The following B3GALT1 variants were observed in gnomAD, a reference collection of about 807,000 sequenced individuals.
B3GALT1 encodes the protein UDP-Gal:betaGlcNAc beta 1,3-galactosyltransferase, polypeptide 1.
Under a neutral mutation model 23.2 loss-of-function variants are expected in B3GALT1, and 10 were observed. The observed-to-expected ratio is 0.43, with a 90% CI of 0.27 to 0.73. B3GALT1 has a LOEUF of 0.73. Ranked by LOEUF, B3GALT1 falls within the 30% of genes least tolerant of loss-of-function variation. The pLI is 0.21. For synonymous variants in B3GALT1, 156 were observed against 141.5 expected (o/e 1.10, Z -0.73); for missense variants, 299 against 405.4 (o/e 0.74, Z 2.25).
intron 1 of B3GALT1, among the ~76,000 whole-genome samples, chr2:167,435,871 G>A (rs751921426): frequency 1.3e-5 from 2 of 151,676 alleles, no homozygotes; most frequent in Non-Finnish European, 2.9e-5. Flanking sequence ...AGAACATTTA[G>A]TCCCTATTTG....
At chr2:167,633,440 C>T (rs1685491293) in intron 2 of B3GALT1, among the ~76,000 whole-genome samples, 1 of 149,588 alleles carries the variant, frequency 6.7e-6, no homozygotes, top group Non-Finnish European at 1.5e-5. Flanking sequence ...CAAAGATACA[C>T]AAAGGCTAAA....
intron 2 of B3GALT1, among the ~76,000 whole-genome samples, chr2:167,602,060 A>T (rs974407416): frequency 6.6e-6 from 1 of 152,190 alleles, no homozygotes; most frequent in Non-Finnish European, 1.5e-5. Flanking sequence ...AGATTTCAGG[A>T]CCCATAGGTG....
intron 2 of B3GALT1, among the ~76,000 whole-genome samples, chr2:167,492,966 T>C (rs993394708): frequency 6.6e-6 from 1 of 152,058 alleles, no homozygotes; most frequent in Admixed American, 6.6e-5. Context: ...TAATACACCA[T>C]TGAAATAAAA....
intron 2 of B3GALT1, among the ~76,000 whole-genome samples, chr2:167,598,020 C>G (rs192982983): frequency 9.9e-5 from 15 of 152,158 alleles, no homozygotes; most frequent in Middle Eastern, 3.4e-3. Flanking sequence ...CATGTACTTA[C>G]CAATCTGAGG....
At chr2:167,721,263 T>C (rs1265610004) in intron 3 of B3GALT1, among the ~76,000 whole-genome samples, 3 of 152,190 alleles carry the variant, frequency 2.0e-5, no homozygotes, top group Non-Finnish European at 4.4e-5. Context: ...GAGCTTCTAT[T>C]TGGACAACAT....
At chr2:167,498,534 C>G (rs186407845) in intron 2 of B3GALT1, among the ~76,000 whole-genome samples, 2 of 152,146 alleles carry the variant, frequency 1.3e-5, no homozygotes, top group Admixed American at 1.3e-4. Context: ...AAATATCTTT[C>G]TATGTTATGT....
chr2:167,728,918 A>T (rs1190502812), intron 3 of B3GALT1, among the ~76,000 whole-genome samples: 1 of 152,212 alleles, frequency 6.6e-6, no homozygotes, highest in East Asian at 1.9e-4. Flanking sequence ...GATACCCTGG[A>T]TTAATACACA....
At chr2:167,454,221 GCGTGCACGTGTGTGCATGTATGTGTGCA>G (rs1574086114) in intron 1 of B3GALT1, among the ~76,000 whole-genome samples, 1 of 139,578 alleles carries the variant, frequency 7.2e-6, no homozygotes, top group South Asian at 2.1e-4. Flanking sequence ...GCGCACGCGC[GCGTGCACGTGTGTGCATGTATGTGTGCA>G]CGTGCACGTA....
intron 1 of B3GALT1, among the ~76,000 whole-genome samples, chr2:167,334,242 C>G (rs1697020277): frequency 6.6e-6 from 1 of 152,200 alleles, no homozygotes; most frequent in Admixed American, 6.5e-5. Flanking sequence ...GACCATTTGG[C>G]AACTGACTGC....
At chr2:167,738,489 A>G (rs977765965) in intron 3 of B3GALT1, among the ~76,000 whole-genome samples, 1 of 152,196 alleles carries the variant, frequency 6.6e-6, no homozygotes, top group Non-Finnish European at 1.5e-5. Context: ...TTTAGTTTTT[A>G]TCAAATGATA....
At chr2:167,549,636 T>C (rs1574131406) in intron 2 of B3GALT1, among the ~76,000 whole-genome samples, 1 of 152,318 alleles carries the variant, frequency 6.6e-6, no homozygotes, top group East Asian at 1.9e-4. Flanking sequence ...GAGACATCAC[T>C]GGGTAGGCAT....
intron 2 of B3GALT1, among the ~76,000 whole-genome samples, chr2:167,514,448 C>T: frequency 6.6e-6 from 1 of 152,030 alleles, no homozygotes; most frequent in East Asian, 1.9e-4. Context: ...GAAGAATATC[C>T]CTTCTCTGTC....
chr2:167,634,513 G>A (rs562323287), intron 2 of B3GALT1, among the ~76,000 whole-genome samples: 5 of 152,082 alleles, frequency 3.3e-5, no homozygotes, highest in African/African-American at 1.2e-4. Context: ...AATGATAAAA[G>A]GGATATCACA....
chr2:167,761,237 A>G (rs1434676662), intron 3 of B3GALT1, among the ~76,000 whole-genome samples: 2 of 152,202 alleles, frequency 1.3e-5, no homozygotes, highest in South Asian at 2.1e-4. Flanking sequence ...GCAGCTGAAG[A>G]TATATTTTCA....
At chr2:167,491,310 A>G in intron 2 of B3GALT1, among the ~76,000 whole-genome samples, 1 of 152,134 alleles carries the variant, frequency 6.6e-6, no homozygotes, top group Non-Finnish European at 1.5e-5. Context: ...ACCTTATTCC[A>G]ATATCATCAC....
intron 2 of B3GALT1, among the ~76,000 whole-genome samples, chr2:167,568,220 T>C (rs897108270): frequency 2.0e-5 from 3 of 152,096 alleles, no homozygotes; most frequent in Non-Finnish European, 4.4e-5. Flanking sequence ...TTCAACTTTT[T>C]TGAGTAATTA....
At chr2:167,772,975 T>A (rs1444289971) in intron 3 of B3GALT1, among the ~76,000 whole-genome samples, 1 of 152,206 alleles carries the variant, frequency 6.6e-6, no homozygotes, top group Non-Finnish European at 1.5e-5. Context: ...CATCAAAAAT[T>A]TCTATGGGCT....
chr2:167,617,988 C>T (rs1186590762), intron 2 of B3GALT1, among the ~76,000 whole-genome samples: 4 of 152,026 alleles, frequency 2.6e-5, no homozygotes, highest in Non-Finnish European at 4.4e-5. Flanking sequence ...TTTACCACAT[C>T]CTGGCTTTCT....
At chr2:167,655,443 A>G (rs1050560784) in intron 3 of B3GALT1, among the ~76,000 whole-genome samples, 6 of 152,218 alleles carry the variant, frequency 3.9e-5, no homozygotes, top group Non-Finnish European at 1.5e-5. Context: ...AAATTTTATC[A>G]TGCAAATTTC....
Sources: gnomAD v4.1 joint callset for allele counts (sites outside exome capture counted in the v4.1 genomes callset) on GRCh38, gnomAD v4.1.1 for gene constraint, MANE v1.5 for transcripts, NCBI Gene and HGNC (gene_info 2026-07-23, HGNC 2026-07-21) for gene names.